KSR2: variants seen among roughly 807,000 people sequenced by gnomAD.
The protein encoded by KSR2 is kinase suppressor of ras 2.
A neutral mutation model predicts 107.8 loss-of-function variants in KSR2; 25 were observed. That is an observed-to-expected ratio of 0.23 (90% CI 0.17 to 0.32). The LOEUF is 0.32. KSR2 is among the 10% of genes least tolerant of loss of function. The probability of loss-of-function intolerance (pLI) is 1.00; values close to 1 mark genes in which losing one functional copy is unlikely to be tolerated. For missense variants in KSR2, 887 were observed against 1,268.9 expected (o/e 0.70, Z 4.57); for synonymous variants, 480 against 507.0 (o/e 0.95, Z 0.71).
chr12:117,485,463 A>G lies in KSR2; in HGVS notation c.2316+132T>C, dbSNP rs983000675. On this transcript the variant is annotated intron_variant, in intron 15 of 19. Transcript: ENST00000339824. Reference sequence around the variant, plus strand: ...GCCTGGCATTTTTCAGGTCAAGTCTAATTTCTTTTAAGTCCAGATTGGTAG... The same window carrying G: ...GCCTGGCATTTTTCAGGTCAAGTCTGATTTCTTTTAAGTCCAGATTGGTAG... The G allele has an allele frequency of 7.3e-5, 47 of 641,962 alleles. No individual in the cohort carries two copies. The East Asian group carries it at 1.2e-3, about 16-fold the overall frequency. 39.8% of individuals were successfully genotyped at this position (641,962 alleles called of 1,614,324 possible). A position where few individuals can be genotyped will look rare whatever the true frequency, so the allele number is the denominator to read the frequency against.
intron 1 of KSR2, among the ~76,000 whole-genome samples, chr12:117,876,277 T>A (rs1350417622): frequency 6.6e-6 from 1 of 152,156 alleles, no homozygotes; most frequent in African/African-American, 2.4e-5. Context: ...ACCGGCCAAT[T>A]TGCATCCACA....
At chr12:117,706,655 T>C (rs1315614373) in intron 4 of KSR2, among the ~76,000 whole-genome samples, 1 of 152,142 alleles carries the variant, frequency 6.6e-6, no homozygotes, top group African/African-American at 2.4e-5. Context: ...AGACATGTTC[T>C]AAAACTGGAT....
At chr12:117,661,365 T>C (rs1210313600) in intron 5 of KSR2, among the ~76,000 whole-genome samples, 1 of 152,224 alleles carries the variant, frequency 6.6e-6, no homozygotes, top group African/African-American at 2.4e-5. Context: ...TTTACTGAAA[T>C]TGGTAACTCT....
intron 5 of KSR2, among the ~76,000 whole-genome samples, chr12:117,607,654 A>G (rs866195913): frequency 0.028 from 3,273 of 117,748 alleles, 144 homozygotes; most frequent in East Asian, 0.2. Flanking sequence ...GAGGGGAGGA[A>G]AGGAGAGGAG....
rs138267721 is a variant in KSR2 at position 117,903,099 on chromosome 12, T to A, written c.181-42668A>T. On this transcript the variant is annotated intron_variant, in intron 1 of 19. Coordinates refer to ENST00000339824, the MANE Select transcript of KSR2 (RefSeq NM_173598.6). ...AATGTAGGCGAGAGTTTGATTTCCATACTGAAGGCATAGTTATAAAGTTAT... is the reference window on the plus strand; with the variant it reads ...AATGTAGGCGAGAGTTTGATTTCCAAACTGAAGGCATAGTTATAAAGTTAT... Among the ~76,000 whole-genome samples, 956 of 152,374 alleles carry A rather than the reference T, an allele frequency of 6.3e-3. 9 individuals carry two copies. The highest frequency in any genetic ancestry group is 0.021 in the African/African-American group (892 of 41,596).
intron 14 of KSR2, among the ~76,000 whole-genome samples, chr12:117,494,791 G>C (rs1462457954): frequency 2.0e-5 from 3 of 152,166 alleles, no homozygotes; most frequent in Non-Finnish European, 4.4e-5. Context: ...CTTTAGCCAG[G>C]GTGCCCAGGG....
chr12:117,832,285 AAAAAC>A (rs112160936), intron 3 of KSR2, among the ~76,000 whole-genome samples: 27 of 152,242 alleles, frequency 1.8e-4, no homozygotes, highest in African/African-American at 5.8e-4. Flanking sequence ...ACTCCATCTC[AAAAAC>A]AAAACAAAAC....
intron 14 of KSR2, among the ~76,000 whole-genome samples, chr12:117,487,013 G>A (rs749622399): frequency 1.5e-4 from 22 of 151,410 alleles, no homozygotes; most frequent in Middle Eastern, 6.8e-3. Context: ...TAACCTCTCT[G>A]AGCTTCAGTT....
chr12:117,669,060 C>A (rs1322790193), intron 4 of KSR2, among the ~76,000 whole-genome samples: 1 of 152,176 alleles, frequency 6.6e-6, no homozygotes, highest in Admixed American at 6.5e-5. Context: ...GATGTCTAAT[C>A]TCAATCCTAC....
chr12:117,656,474 C>T (rs570837770), intron 5 of KSR2, among the ~76,000 whole-genome samples: 37 of 152,204 alleles, frequency 2.4e-4, no homozygotes, highest in Middle Eastern at 3.4e-3. Context: ...ATTAGCTGGG[C>T]GTGGTGGCAC....
chr12:117,887,069 G>A (rs1374424215), intron 1 of KSR2, among the ~76,000 whole-genome samples: 4 of 151,638 alleles, frequency 2.6e-5, no homozygotes, highest in African/African-American at 7.3e-5. Context: ...GACTACGGGC[G>A]CTCATTGCCA....
chr12:117,898,170 G>T (rs559866858), intron 1 of KSR2, among the ~76,000 whole-genome samples: 15 of 152,086 alleles, frequency 9.9e-5, no homozygotes, highest in Non-Finnish European at 1.6e-4. Context: ...CACTTACAGC[G>T]AATGGTCAAA....
intron 3 of KSR2, among the ~76,000 whole-genome samples, chr12:117,836,100 T>C (rs1444218849): frequency 2.2e-5 from 2 of 93,008 alleles, no homozygotes; most frequent in Admixed American, 1.5e-4. Context: ...ACCTCCCAAA[T>C]ATGTTAAAAG....
At chr12:117,902,856 A>G (rs1460818691) in intron 1 of KSR2, among the ~76,000 whole-genome samples, 2 of 152,270 alleles carry the variant, frequency 1.3e-5, no homozygotes, top group Non-Finnish European at 2.9e-5. Flanking sequence ...AGAGAGGATG[A>G]CAGCACAGTC....
At chr12:117,530,827 C>A (rs1337950720) in intron 12 of KSR2, 114 bp downstream of exon 12, 5 of 907,894 alleles carry the variant, frequency 5.5e-6, no homozygotes, top group Middle Eastern at 2.5e-4. Flanking sequence ...CTCCCTCTGC[C>A]CCCAACTCCA....
At chr12:117,840,100 A>ATTTTTTT (rs60718801) in intron 3 of KSR2, among the ~76,000 whole-genome samples, 2 of 133,050 alleles carry the variant, frequency 1.5e-5, no homozygotes, top group Non-Finnish European at 1.6e-5. Context: ...ACTTTATTTT[A>ATTTTTTT]TTTTATTTTT....
At chr12:117,576,409 C>G (rs1203266930) in intron 7 of KSR2, among the ~76,000 whole-genome samples, 1 of 152,188 alleles carries the variant, frequency 6.6e-6, no homozygotes, top group Non-Finnish European at 1.5e-5. Context: ...GAAAGACCAC[C>G]TGAGAGCCTA....
At chr12:117,655,679 A>G (rs1294870363) in intron 5 of KSR2, among the ~76,000 whole-genome samples, 1 of 152,172 alleles carries the variant, frequency 6.6e-6, no homozygotes, top group East Asian at 1.9e-4. Flanking sequence ...AGGAGACACA[A>G]CGATTCCACT....
In KSR2 at chr12:117,717,712, T is replaced by TGC. The variant is rs1555231272; in HGVS notation, c.986+43297_986+43298dup. ...GTGTGTGTGTGTGTGTGTGTGTGTG[T>TGC]GCATGCGCGCGCGTGCATGCACGTG... On this transcript the variant is annotated intron_variant, in intron 4 of 19. Coordinates refer to ENST00000339824, the MANE Select transcript of KSR2 (RefSeq NM_173598.6). Among the ~76,000 whole-genome samples the TGC allele has an allele frequency of 2.6e-4, 35 of 137,176 alleles. No homozygotes were observed. In the East Asian group the frequency reaches 6.6e-3, roughly 26 times the overall value. 90.0% of individuals were successfully genotyped at this position (137,176 alleles called of 152,430 possible).
Sources: allele counts gnomAD v4.1 joint callset (sites outside exome capture counted in the v4.1 genomes callset), GRCh38; gene constraint gnomAD v4.1.1; transcripts MANE v1.5; gene names NCBI Gene and HGNC (gene_info 2026-07-23, HGNC 2026-07-21).